Variants in CTNND2 observed in about 807,000 individuals in gnomAD.
CTNND2 encodes the protein catenin delta 2.
Under a neutral mutation model 144.4 loss-of-function variants are expected in CTNND2, and 22 were observed. The ratio of observed to expected loss-of-function variants is 0.15; its 90% CI spans 0.11 to 0.22. The LOEUF (loss-of-function observed/expected upper bound fraction) is 0.22. Ranked by LOEUF, CTNND2 falls within the 10% of genes least tolerant of loss-of-function variation. The pLI, the probability that CTNND2 is intolerant of heterozygous loss-of-function variation, is 1.00. For missense variants in CTNND2, 1,353 were observed against 1,618.8 expected (o/e 0.84, Z 2.82); for synonymous variants, 751 against 695.6 (o/e 1.08, Z -1.25).
At chr5:11,776,417 T>C (rs1344733391) in intron 1 of CTNND2, among the ~76,000 whole-genome samples, 3 of 152,206 alleles carry the variant, frequency 2.0e-5, no homozygotes, top group African/African-American at 7.2e-5. Context: ...CATAAACCTC[T>C]ACTGTGAGCA....
At chr5:11,242,825 T>C (rs1484173537) in intron 9 of CTNND2, among the ~76,000 whole-genome samples, 2 of 152,198 alleles carry the variant, frequency 1.3e-5, no homozygotes, top group Non-Finnish European at 2.9e-5. Context: ...GTCCCTTTTA[T>C]CCCATAAATA....
chr5:11,509,367 C>T (rs1771411354), intron 3 of CTNND2, among the ~76,000 whole-genome samples: 2 of 152,148 alleles, frequency 1.3e-5, no homozygotes, highest in Middle Eastern at 3.4e-3. Flanking sequence ...TAAAAAAACC[C>T]ATTTAAAAGC....
chr5:11,890,198 A>T (rs2127095151), intron 1 of CTNND2, among the ~76,000 whole-genome samples: 1 of 152,326 alleles, frequency 6.6e-6, no homozygotes, highest in South Asian at 2.1e-4. Context: ...CTGAAAACTT[A>T]AACTTGGTAC....
At chr5:11,417,623 G>A (rs1370015117) in intron 3 of CTNND2, among the ~76,000 whole-genome samples, 14 of 152,286 alleles carry the variant, frequency 9.2e-5, no homozygotes, top group Non-Finnish European at 1.9e-4. Flanking sequence ...ACCACAAACT[G>A]TCCAAAAATT....
rs182142898 is a variant in CTNND2, at chr5:11,172,873, C to T, written c.1976-13114G>A. Among the ~76,000 whole-genome samples, 50 of 152,192 alleles carry T rather than the reference C, an allele frequency of 3.3e-4. 1 individual carries two copies. The East Asian group carries it at 8.5e-3, about 26-fold the overall frequency. On this transcript the variant is annotated intron_variant, in intron 11 of 21. Transcript: ENST00000304623. ...GGTATGATGGACACTGAATTCACTC[C>T]CTGTGCACACAGCTAGGTTTCCAGC...
intron 16 of CTNND2, among the ~76,000 whole-genome samples, chr5:11,077,605 C>T (rs1421573191): frequency 1.3e-5 from 2 of 152,110 alleles, no homozygotes; most frequent in Admixed American, 1.3e-4. Flanking sequence ...TGATTTTACA[C>T]TGAGATGAGG....
chr5:11,540,606 T>C (rs1444599334), intron 3 of CTNND2, among the ~76,000 whole-genome samples: 1 of 152,172 alleles, frequency 6.6e-6, no homozygotes, highest in African/African-American at 2.4e-5. Flanking sequence ...TACCTCTGCC[T>C]CCTGGGTTCA....
intron 3 of CTNND2, among the ~76,000 whole-genome samples, chr5:11,531,196 G>A (rs1020349823): frequency 1.6e-4 from 25 of 152,148 alleles, no homozygotes; most frequent in Non-Finnish European, 5.9e-5. Context: ...AGGAACATGG[G>A]AATAGTACCA....
chr5:11,888,774 T>A (rs1736749155), intron 1 of CTNND2, among the ~76,000 whole-genome samples: 1 of 147,096 alleles, frequency 6.8e-6, no homozygotes, highest in Non-Finnish European at 1.5e-5. Flanking sequence ...TTAGATGGAA[T>A]CTCACTCTGT....
intron 1 of CTNND2, among the ~76,000 whole-genome samples, chr5:11,857,331 C>T (rs996304602): frequency 7.2e-5 from 11 of 152,014 alleles, no homozygotes; most frequent in African/African-American, 2.4e-4. Context: ...GCATGTGTGG[C>T]GATACAAAGG....
intron 3 of CTNND2, among the ~76,000 whole-genome samples, chr5:11,486,173 G>A (rs1768797161): frequency 6.6e-6 from 1 of 152,200 alleles, no homozygotes; most frequent in Non-Finnish European, 1.5e-5. Flanking sequence ...TTGCCAGGAG[G>A]ATGAGATAAT....
chr5:11,049,440 T>C (rs1025111860), intron 16 of CTNND2, among the ~76,000 whole-genome samples: 3 of 152,212 alleles, frequency 2.0e-5, no homozygotes, highest in African/African-American at 7.2e-5. Context: ...GCACAGACAG[T>C]ACACTAACTT....
intron 2 of CTNND2, among the ~76,000 whole-genome samples, chr5:11,615,715 A>G (rs1387004385): frequency 2.6e-5 from 4 of 152,198 alleles, no homozygotes; most frequent in South Asian, 4.1e-4. Context: ...TGTGTCACAT[A>G]AGTGTATTTT....
intron 5 of CTNND2, among the ~76,000 whole-genome samples, chr5:11,407,239 A>G (rs897879516): frequency 5.9e-5 from 9 of 152,200 alleles, no homozygotes; most frequent in African/African-American, 2.2e-4. Context: ...TGTTCCACTG[A>G]AGCGACAGCA....
At chr5:11,506,535 A>G (rs1771051178) in intron 3 of CTNND2, among the ~76,000 whole-genome samples, 2 of 152,220 alleles carry the variant, frequency 1.3e-5, no homozygotes, top group African/African-American at 4.8e-5. Context: ...TTTTTGCTAA[A>G]TAAGTAGATT....
At position 11,023,051 on chromosome 5, in the gene CTNND2, A is replaced by G; in HGVS notation, c.2789-72T>C. On this transcript the variant is annotated intron_variant, in intron 16 of 21. Coordinates refer to ENST00000304623, the MANE Select transcript of CTNND2 (RefSeq NM_001332.4). ...GGCAGAGATAGTGGCAGAGGTGGGTATGGGGGAGAAGAGAATACGAGAGGC... is the reference window on the plus strand; with the variant it reads ...GGCAGAGATAGTGGCAGAGGTGGGTGTGGGGGAGAAGAGAATACGAGAGGC... The G allele has an allele frequency of 3.6e-6, 5 of 1,387,966 alleles. No individual in the cohort carries two copies. The Admixed American group carries it at 7.0e-5, about 19-fold the overall frequency. 86.0% of individuals were successfully genotyped at this position (1,387,966 alleles called of 1,614,324 possible).
At chr5:11,834,279 C>T (rs575558775) in intron 1 of CTNND2, among the ~76,000 whole-genome samples, 1 of 152,204 alleles carries the variant, frequency 6.6e-6, no homozygotes, top group Non-Finnish European at 1.5e-5. Flanking sequence ...GCACCTTACC[C>T]TCTCTTCCTC....
intron 2 of CTNND2, among the ~76,000 whole-genome samples, chr5:11,730,709 G>T (rs565253257): frequency 6.6e-6 from 1 of 152,328 alleles, no homozygotes; most frequent in East Asian, 1.9e-4. Flanking sequence ...GTAGTATTGT[G>T]ATGATACTAA....
At chr5:11,391,583 T>TC (rs1163814878) in intron 6 of CTNND2, among the ~76,000 whole-genome samples, 1 of 152,228 alleles carries the variant, frequency 6.6e-6, no homozygotes, top group Non-Finnish European at 1.5e-5. Flanking sequence ...TCTTTTCAAA[T>TC]CGTCTTCCAA....
Sources: allele counts gnomAD v4.1 joint callset (sites outside exome capture counted in the v4.1 genomes callset), GRCh38; gene constraint gnomAD v4.1.1; transcripts MANE v1.5; gene names NCBI Gene and HGNC (gene_info 2026-07-23, HGNC 2026-07-21).